Variants in PANK3 observed in about 807,000 individuals in gnomAD.
PANK3 encodes pantothenate kinase 3, also known as hPanK3.
Under a neutral mutation model 39.4 loss-of-function variants are expected in PANK3, and 20 were observed. That is an observed-to-expected ratio of 0.51 (90% CI 0.36 to 0.74). PANK3 has a LOEUF of 0.74. PANK3 is among the 30% of genes least tolerant of loss of function. The pLI, the probability that PANK3 is intolerant of heterozygous loss-of-function variation, is 0.00. For synonymous variants in PANK3, 140 were observed against 157.3 expected (o/e 0.89, Z 0.82); for missense variants, 265 against 437.0 (o/e 0.61, Z 3.51).
chr5:168,567,590 T>C (rs1214634308), intron 2 of PANK3, among the ~76,000 whole-genome samples: 1 of 152,158 alleles, frequency 6.6e-6, no homozygotes, highest in Non-Finnish European at 1.5e-5. Context: ...CCTCAAATTA[T>C]ATGGGTCTCG....
intron 1 of PANK3, among the ~76,000 whole-genome samples, chr5:168,569,525 G>T (rs532242393): frequency 2.0e-5 from 3 of 151,996 alleles, no homozygotes; most frequent in South Asian, 2.1e-4. Flanking sequence ...TTCTAAAAAC[G>T]TATAGGGTGC....
In PANK3 at chr5:168,551,798, G is replaced by A. The variant is rs1759275207; in HGVS notation, c.*5773C>T. On this transcript the variant is annotated 3_prime_UTR_variant, in exon 7 of 7. Transcript: ENST00000239231. ...AAAAAAAACCTCAGAAATTTTTATA[G>A]AGTCTAATATTTGGCAAATAATCTG... The A allele has an allele frequency of 6.6e-6, 1 of 152,130 alleles. No homozygotes were observed. Among genetic ancestry groups the A allele is most frequent in the Non-Finnish European group, 1.5e-5 (1 of 68,038 alleles). The allele number at this position is 152,130 out of a possible 1,614,324, so 9.4% of individuals were successfully genotyped here. A position where few individuals can be genotyped will look rare whatever the true frequency, so the allele number is the denominator to read the frequency against.
intron 1 of PANK3, among the ~76,000 whole-genome samples, chr5:168,569,413 C>T (rs1269731781): frequency 1.3e-5 from 2 of 151,124 alleles, no homozygotes; most frequent in Non-Finnish European, 1.5e-5. Context: ...AGGATGGTCT[C>T]GATCTCCTGA....
chr5:168,566,297 G>T, intron 2 of PANK3, 31 bp from the exon 3 acceptor site: 1 of 1,550,628 alleles, frequency 6.4e-7, no homozygotes, highest in Non-Finnish European at 8.7e-7. Context: ...AAACAAAAAA[G>T]GATGACATTC....
chr5:168,552,532 G>A lies in PANK3; in HGVS notation c.*5039C>T, dbSNP rs1759288027. The A allele has an allele frequency of 5.2e-6, 1 of 191,578 alleles. No homozygotes were observed. Among genetic ancestry groups the A allele is most frequent in the South Asian group, 1.3e-4 (1 of 7,692 alleles). The allele number at this position is 191,578 out of a possible 1,614,324, so 11.9% of individuals were successfully genotyped here. Reference sequence around the variant, plus strand: ...AACTAGAAAGTTGGAGGTCCAGTTGGAGCAACCAGCCACTGCTATTGCAAA... The same window carrying A: ...AACTAGAAAGTTGGAGGTCCAGTTGAAGCAACCAGCCACTGCTATTGCAAA... On this transcript the variant is annotated 3_prime_UTR_variant, in exon 7 of 7. Coordinates refer to ENST00000239231, the MANE Select transcript of PANK3 (RefSeq NM_024594.4).
intron 1 of PANK3, 32 bp from the exon 2 acceptor site, chr5:168,569,030 A>AAAATATATATAT (rs1554125888): frequency 4.3e-4 from 52 of 120,312 alleles, no homozygotes; most frequent in East Asian, 4.0e-3. Flanking sequence ...AAAAAAAAAA[A>AAAATATATATAT]ATATATATAT....
At position 168,564,138 on chromosome 5, in the gene PANK3, C is replaced by A. The variant is rs1246691000; in HGVS notation, c.636-73G>T. 32 of 1,274,900 alleles carry A rather than the reference C, an allele frequency of 2.5e-5. No individual in the cohort carries two copies. The Middle Eastern group carries it at 7.9e-4, about 32-fold the overall frequency. 79.0% of individuals were successfully genotyped at this position (1,274,900 alleles called of 1,614,324 possible). A position where few individuals can be genotyped will look rare whatever the true frequency, so the allele number is the denominator to read the frequency against. The stretch of plus-strand genomic sequence containing the variant: ...CTTTCTCTAAAGTAAAAGGGTGGAT[C>A]ATTCATGTATTCAATGAACACACAG... On this transcript the variant is annotated intron_variant, in intron 3 of 6. Transcript: ENST00000239231.
rs781153812 is a variant in PANK3 at position 168,557,623 on chromosome 5, T to G, written c.1063-2A>C. 6.2e-7 allele frequency: 1 copy of G among 1,613,172 alleles called. No individual in the cohort carries two copies. Among genetic ancestry groups the G allele is most frequent in the Non-Finnish European group, 8.5e-7 (1 of 1,179,468 alleles). Reference sequence around the variant, plus strand: ...TGCACCAACTGCTCCAAAGTAACCCTGTGTAATTTAAAAATAACTGTTATG... The same window carrying G: ...TGCACCAACTGCTCCAAAGTAACCCGGTGTAATTTAAAAATAACTGTTATG... On this transcript the variant is annotated splice_acceptor_variant, in intron 6 of 6. Transcript: ENST00000239231. LOFTEE classifies it high-confidence loss of function.
Position 168,550,901 on chromosome 5 carries a change from C to T in PANK3, c.*6670G>A, listed in dbSNP as rs1273434547. On this transcript the variant is annotated 3_prime_UTR_variant, in exon 7 of 7. Transcript: ENST00000239231. Reference sequence around the variant, plus strand: ...GACCAACACTACTTCTAATACAATACCAAATATGACCTCACATTCACTGAA... The same window carrying T: ...GACCAACACTACTTCTAATACAATATCAAATATGACCTCACATTCACTGAA... 6.6e-6 allele frequency: 1 copy of T among 152,016 alleles called. No homozygotes were observed. Among genetic ancestry groups the T allele is most frequent in the African/African-American group, 2.4e-5 (1 of 41,392 alleles). 9.4% of individuals were successfully genotyped at this position (152,016 alleles called of 1,614,324 possible). A position where few individuals can be genotyped will look rare whatever the true frequency, so the allele number is the denominator to read the frequency against.
At chr5:168,562,789 T>C (rs530480860) in intron 4 of PANK3, among the ~76,000 whole-genome samples, 1 of 152,286 alleles carries the variant, frequency 6.6e-6, no homozygotes, top group African/African-American at 2.4e-5. Context: ...CTTACTGAGA[T>C]TCCAAAAACA....
intron 5 of PANK3, chr5:168,560,989 A>C (rs757056304): frequency 4.0e-6 from 2 of 496,518 alleles, no homozygotes; most frequent in African/African-American, 3.9e-5. Context: ...ACTTCCAAGA[A>C]TTTCACTAAT....
At chr5:168,567,754 G>A (rs999302726) in intron 2 of PANK3, among the ~76,000 whole-genome samples, 2 of 151,930 alleles carry the variant, frequency 1.3e-5, no homozygotes, top group African/African-American at 4.8e-5. Flanking sequence ...TGAGTGGCTG[G>A]GACTACAAGC....
rs34970571 is a variant in PANK3, at chr5:168,572,110, C to CTTT, written c.29-3115_29-3113dup. On this transcript the variant is annotated intron_variant, in intron 1 of 6. Transcript: ENST00000239231. ...TTGTTGAGTGCCTAGCAACATAGGC[C>CTTT]TTTTTTTTTTTTTTTTTTTTTGAGA... 7.6e-4 allele frequency among the ~76,000 whole-genome samples: 77 copies of CTTT among 101,284 alleles called. 1 individual carries two copies. The highest frequency in any genetic ancestry group is 1.0e-3 in the Admixed American group (9 of 8,610). 66.4% of individuals were successfully genotyped at this position (101,284 alleles called of 152,430 possible).
intron 5 of PANK3, 138 bp from the exon 6 acceptor site, chr5:168,559,295 T>C: frequency 1.8e-6 from 1 of 543,074 alleles, no homozygotes. Context: ...ACCTACTACA[T>C]TCCTGGCATA....
At chr5:168,575,704 T>G (rs2113037554) in intron 1 of PANK3, among the ~76,000 whole-genome samples, 1 of 152,164 alleles carries the variant, frequency 6.6e-6, no homozygotes, top group East Asian at 1.9e-4. Context: ...GAGGATTGCT[T>G]GAGCCTGGCA....
chr5:168,559,218 T>G, intron 5 of PANK3, 61 bp from the exon 6 acceptor site: 1 of 1,104,634 alleles, frequency 9.1e-7, no homozygotes, highest in South Asian at 1.9e-5. Flanking sequence ...TATAAAAGGT[T>G]TCTAAATATT....
In PANK3 at chr5:168,561,528, T is replaced by C. The variant is rs772544749; in HGVS notation, c.813-12A>G. 8 of 1,553,038 alleles carry C rather than the reference T, an allele frequency of 5.2e-6. No individual in the cohort carries two copies. In the African/African-American group the frequency reaches 9.7e-5, roughly 19 times the overall value. ...TCATATTCCCAAAACTGCAGAAAAA[T>C]GAAAAATAAAGTCAAATCTGCTGAT... On this transcript the variant is annotated splice_polypyrimidine_tract_variant and intron_variant, in intron 4 of 6. Coordinates refer to ENST00000239231, the MANE Select transcript of PANK3 (RefSeq NM_024594.4).
chr5:168,559,718 G>T (rs1280592334), intron 5 of PANK3, among the ~76,000 whole-genome samples: 3 of 151,986 alleles, frequency 2.0e-5, no homozygotes, highest in Non-Finnish European at 4.4e-5. Context: ...ATCAAAACAT[G>T]GTAAGTACTA....
At chr5:168,575,130 TC>T (rs1463256346) in intron 1 of PANK3, among the ~76,000 whole-genome samples, 1 of 152,112 alleles carries the variant, frequency 6.6e-6, no homozygotes, top group African/African-American at 2.4e-5. Flanking sequence ...CAATATACAG[TC>T]CCAGACTGTG....
Sources: gnomAD v4.1 joint callset for allele counts (sites outside exome capture counted in the v4.1 genomes callset) on GRCh38, gnomAD v4.1.1 for gene constraint, MANE v1.5 for transcripts, NCBI Gene and HGNC (gene_info 2026-07-23, HGNC 2026-07-21) for gene names.